CMTM2: variants seen among roughly 807,000 people sequenced by gnomAD.
CMTM2 encodes the protein CKLF-like MARVEL transmembrane domain-containing protein 2.
CMTM2 carries 15 observed loss-of-function variants against 16.8 expected under a neutral mutation model. The observed-to-expected ratio is 0.89, with a 90% CI of 0.60 to 1.37. The LOEUF is 1.37. CMTM2 is among the 40% of genes most tolerant of loss of function. The pLI is 0.00. For missense variants in CMTM2, 282 were observed against 318.0 expected, an observed-to-expected ratio of 0.89 and a Z score of 0.86; for synonymous variants, 117 against 118.7, an observed-to-expected ratio of 0.99 and a Z score of 0.09.
intron 3 of CMTM2, among the ~76,000 whole-genome samples, chr16:66,587,580 G>A (rs1259559242): frequency 6.6e-6 from 1 of 151,822 alleles, no homozygotes; most frequent in South Asian, 2.1e-4. Flanking sequence ...AAAAAGTAAA[G>A]TAGACAGATG....
At chr16:66,587,897 T>C (rs768851632) in intron 3 of CMTM2, 22 bp from the exon 4 acceptor site, 2 of 1,613,002 alleles carry the variant, frequency 1.2e-6, no homozygotes, top group Non-Finnish European at 8.5e-7. Flanking sequence ...GCAAAAGTCA[T>C]GAGGACCGTT....
Position 66,579,813 on chromosome 16 carries a change from G to A in CMTM2, c.206G>A (p.Arg69His), listed in dbSNP as rs368665656. ...KHEVGTRRGC[R>H]RYRWELKDSN... ...GAAGTGGGCACGAGGAGGGGGTGTC[G>A]CCGCTACCGGTGGGAATTAAAAGAC... Residue 69 changes from arginine (R) to histidine (H), a missense_variant, in exon 1 of 4, where the codon CGC (arginine) becomes CAC (histidine). Arg to His is a conservative substitution (Grantham distance 29). Transcript: ENST00000268595. The surrounding 1 kb of genome is among the most constrained non-coding windows in gnomAD (Gnocchi z 6.5). The A allele has an allele frequency of 4.3e-6, 7 of 1,613,712 alleles. No homozygotes were observed. The highest frequency in any genetic ancestry group is 5.9e-6 in the Non-Finnish European group (7 of 1,180,030).
intron 3 of CMTM2, among the ~76,000 whole-genome samples, chr16:66,587,308 G>A (rs1452783294): frequency 1.3e-5 from 2 of 152,122 alleles, no homozygotes; most frequent in Admixed American, 6.5e-5. Flanking sequence ...ATCACCTGAG[G>A]TCAGGAGTTT....
At chr16:66,583,320 C>A (rs1421382717) in intron 2 of CMTM2, among the ~76,000 whole-genome samples, 5 of 151,960 alleles carry the variant, frequency 3.3e-5, no homozygotes, top group Non-Finnish European at 7.4e-5. Flanking sequence ...GGTGAAACAC[C>A]AGCTCTACTA....
chr16:66,587,218 G>T, intron 3 of CMTM2, 120 bp downstream of exon 3: 1 of 860,908 alleles, frequency 1.2e-6, no homozygotes. Flanking sequence ...TGGGATCAAA[G>T]CAAAGTTTAA....
At chr16:66,582,029 T>C (rs560673737) in intron 2 of CMTM2, among the ~76,000 whole-genome samples, 60 of 152,210 alleles carry the variant, frequency 3.9e-4, no homozygotes, top group African/African-American at 1.4e-3. Context: ...TCAAAACTAC[T>C]AAACACCTGA....
At chr16:66,587,267 TC>T (rs1380470019) in intron 3 of CMTM2, among the ~76,000 whole-genome samples, 169 bp downstream of exon 3, 1 of 152,202 alleles carries the variant, frequency 6.6e-6, no homozygotes, top group Admixed American at 6.5e-5. Flanking sequence ...ATGCCTATAA[TC>T]CCAGCACTTT....
intron 2 of CMTM2, among the ~76,000 whole-genome samples, chr16:66,586,217 G>A (rs1334275145): frequency 6.6e-6 from 1 of 152,188 alleles, no homozygotes; most frequent in Non-Finnish European, 1.5e-5. Flanking sequence ...CCAGTGAGAT[G>A]CTAGAGTCCA....
chr16:66,580,286 TATCTGTGCCTGGGTCAGGG>T, intron 2 of CMTM2, 102 bp downstream of exon 2: 1 of 1,281,936 alleles, frequency 7.8e-7, no homozygotes, highest in Non-Finnish European at 1.1e-6. Context: ...TCACCTCCCA[TATCTGTGCCTGGGTCAGGG>T]ACTCAGAACA....
chr16:66,583,440 C>T (rs2014757472), intron 2 of CMTM2, among the ~76,000 whole-genome samples: 2 of 151,470 alleles, frequency 1.3e-5, no homozygotes, highest in African/African-American at 2.4e-5. Context: ...TGCCATGAGC[C>T]GAGATGGAGC....
intron 2 of CMTM2, among the ~76,000 whole-genome samples, chr16:66,581,201 G>A (rs536931030): frequency 3.4e-4 from 52 of 151,746 alleles, no homozygotes; most frequent in Non-Finnish European, 6.0e-4. Flanking sequence ...TCCGATACAG[G>A]GAGAAAGGAC....
intron 3 of CMTM2, among the ~76,000 whole-genome samples, chr16:66,587,528 C>T (rs908631156): frequency 3.3e-5 from 5 of 151,936 alleles, no homozygotes; most frequent in African/African-American, 7.2e-5. Context: ...CTGCACTCCA[C>T]CCCGGACGAC....
rs969645960 is a variant in CMTM2, at chr16:66,579,521, G to T, written c.-87G>T. ...CTCTGAGCCGCTCGGTGGACACCAG[G>T]CACTCTAGTAGGCCTGGCCTACCCA... is the stretch of plus-strand genomic sequence containing the variant. On this transcript the variant is annotated 5_prime_UTR_variant, in exon 1 of 4. Transcript: ENST00000268595. The surrounding 1 kb of genome is among the most constrained non-coding windows in gnomAD (Gnocchi z 6.5). 10 of 1,528,560 alleles carry T rather than the reference G, an allele frequency of 6.5e-6. No homozygotes were observed. Among genetic ancestry groups the T allele is most frequent in the Admixed American group, 3.7e-5 (2 of 54,322 alleles). The allele number at this position is 1,528,560 out of a possible 1,614,324, so 94.7% of individuals were successfully genotyped here. A position where few individuals can be genotyped will look rare whatever the true frequency, so the allele number is the denominator to read the frequency against.
chr16:66,587,026 G>T lies in CMTM2; in HGVS notation c.474G>T (p.Ala158=), dbSNP rs138915340. The T allele has an allele frequency of 2.6e-4, 414 of 1,614,102 alleles. No homozygotes were observed. The African/African-American group carries it at 4.3e-3, about 17-fold the overall frequency. ...SDLFNDLIAC[A]FLVGAVVFAV... ...TCTTCAACGACCTGATTGCTTGTGC[G>T]TTCCTTGTGGGAGCCGTGGTCTTTG... is the stretch of plus-strand genomic sequence containing the variant. The change falls in exon 3 of 4, where the codon GCG becomes GCT. Residue 158 remains alanine (A), a synonymous_variant. Transcript: ENST00000268595.
chr16:66,583,014 G>C (rs993789064), intron 2 of CMTM2, among the ~76,000 whole-genome samples: 4 of 152,104 alleles, frequency 2.6e-5, no homozygotes, highest in African/African-American at 4.8e-5. Context: ...AGAGACCTTA[G>C]TTCAATATGA....
chr16:66,585,897 C>G (rs2014786970), intron 2 of CMTM2, among the ~76,000 whole-genome samples: 1 of 152,142 alleles, frequency 6.6e-6, no homozygotes, highest in South Asian at 2.1e-4. Context: ...CTATAGAAAC[C>G]AAGGGGGATG....
In CMTM2 at chr16:66,580,174, G is replaced by C. The variant is rs1173521822; in HGVS notation, c.434G>C (p.Trp145Ser). 1 of 1,614,058 alleles carries C rather than the reference G, an allele frequency of 6.2e-7. No homozygotes were observed. Among genetic ancestry groups the C allele is most frequent in the African/African-American group, 1.3e-5 (1 of 75,008 alleles). The change falls in exon 2 of 4, where the codon TGG becomes TCG. Residue 145 changes from tryptophan to serine, a missense_variant. By Grantham distance (177) the Trp-to-Ser change is radical (BLOSUM62 -3). Coordinates refer to ENST00000268595, the MANE Select transcript of CMTM2 (RefSeq NM_144673.3). ...AIHRYIPFIL[W>S]PISDLFNDLI... ...CATAGATACATACCCTTCATCCTGT[G>C]GCCCATTTCTGTAAGTAAGGGGTGA...
chr16:66,580,993 C>G (rs2014727892), intron 2 of CMTM2, among the ~76,000 whole-genome samples: 2 of 152,148 alleles, frequency 1.3e-5, no homozygotes, highest in Admixed American at 1.3e-4. Context: ...CCAGAGCCCT[C>G]TTGTTCACTG....
At chr16:66,580,606 A>C in intron 2 of CMTM2, 2 of 168,598 alleles carry the variant, frequency 1.2e-5, no homozygotes, top group Non-Finnish European at 2.6e-5. Flanking sequence ...ATAAAACAAA[A>C]TGGGAATTTT....
Sources: gnomAD v4.1 joint callset for allele counts (sites outside exome capture counted in the v4.1 genomes callset) on GRCh38, gnomAD v4.1.1 for gene constraint, Gnocchi (gnomAD v3.1) non-coding constraint, MANE v1.5 for transcripts, NCBI Gene and HGNC (gene_info 2026-07-23, HGNC 2026-07-21) for gene names.